The following B4GALT6 variants were observed in gnomAD, a reference collection of about 807,000 sequenced individuals.
The protein encoded by B4GALT6 is beta-1,4-galactosyltransferase 6, also known as UDP-Gal:beta-GlcNAc beta-1,4-galactosyltransferase 6.
A neutral mutation model predicts 46.3 loss-of-function variants in B4GALT6; 14 were observed. The ratio of observed to expected loss-of-function variants is 0.30; its 90% confidence interval spans 0.20 to 0.47. The LOEUF (loss-of-function observed/expected upper bound fraction) is 0.47. Ranked by LOEUF, B4GALT6 falls within the 20% of genes least tolerant of loss-of-function variation. The pLI, the probability that B4GALT6 is intolerant of heterozygous loss-of-function variation, is 0.99. For missense variants in B4GALT6, 386 were observed against 480.1 expected, an observed-to-expected ratio of 0.80 and a Z score of 1.83; for synonymous variants, 168 against 162.0, an observed-to-expected ratio of 1.04 and a Z score of -0.28.
intron 6 of B4GALT6, among the ~76,000 whole-genome samples, chr18:31,629,117 GCTTA>G (rs1159130244): frequency 1.3e-5 from 2 of 152,054 alleles, no homozygotes; most frequent in Non-Finnish European, 2.9e-5. Context: ...CTTTTCTCTA[GCTTA>G]CTTTATGGTA....
intron 6 of B4GALT6, among the ~76,000 whole-genome samples, chr18:31,630,440 G>T (rs980534779): frequency 6.6e-6 from 1 of 151,466 alleles, no homozygotes; most frequent in Non-Finnish European, 1.5e-5. Flanking sequence ...ATTATTAAAG[G>T]GCAGGTCAAG....
At position 31,631,588 on chromosome 18, in the gene B4GALT6, C is replaced by A. The variant is rs548338443; in HGVS notation, c.589-442G>T. 4.6e-5 allele frequency among the ~76,000 whole-genome samples: 7 copies of A among 152,000 alleles called. No homozygotes were observed. The South Asian group carries it at 1.2e-3, about 27-fold the overall frequency. Reference sequence around the variant, plus strand: ...TTGTATTTCTGCTCTACTTCAAATACATCAGGATATAGATTACTTGTGGCG... The same window carrying A: ...TTGTATTTCTGCTCTACTTCAAATAAATCAGGATATAGATTACTTGTGGCG... On this transcript the variant is annotated intron_variant, in intron 5 of 8. Transcript: ENST00000306851.
intron 3 of B4GALT6, among the ~76,000 whole-genome samples, chr18:31,653,020 CTT>C (rs766019120): frequency 2.7e-4 from 38 of 141,240 alleles, no homozygotes; most frequent in South Asian, 4.5e-4. Flanking sequence ...TTTATTTTTG[CTT>C]TTTTTTTTTT....
intron 8 of B4GALT6, 101 bp from the exon 9 acceptor site, chr18:31,625,862 A>C (rs754121531): frequency 6.4e-6 from 6 of 937,050 alleles, no homozygotes; most frequent in African/African-American, 1.7e-5. Context: ...AAAGCACTTA[A>C]TGCCCTTTAC....
the B4GALT6 span, among the ~76,000 whole-genome samples, chr18:31,709,533 GT>G: frequency 6.8e-6 from 1 of 147,838 alleles, no homozygotes; most frequent in Non-Finnish European, 1.5e-5. Context: ...AAGGGTTACA[GT>G]AGGATCAATA....
the B4GALT6 span, among the ~76,000 whole-genome samples, chr18:31,691,747 A>G: frequency 6.6e-6 from 1 of 152,172 alleles, no homozygotes; most frequent in African/African-American, 2.4e-5. Context: ...ATTCAGGTAA[A>G]TTTGATAAAG....
intron 1 of B4GALT6, among the ~76,000 whole-genome samples, chr18:31,671,674 T>C (rs2074359268): frequency 6.6e-6 from 1 of 152,214 alleles, no homozygotes; most frequent in Non-Finnish European, 1.5e-5. Flanking sequence ...AAATAAAATG[T>C]AATTTCTTAT....
At chr18:31,724,461 A>G in the B4GALT6 span, 1 of 1,012,022 alleles carries the variant, frequency 9.9e-7, no homozygotes, top group Non-Finnish European at 1.2e-6. Context: ...CTAACTCCCC[A>G]CCCCCGGGCA....
At chr18:31,636,729 G>T (rs2073863424) in intron 5 of B4GALT6, among the ~76,000 whole-genome samples, 1 of 152,210 alleles carries the variant, frequency 6.6e-6, no homozygotes, top group Non-Finnish European at 1.5e-5. Flanking sequence ...GTCTTTAAGT[G>T]TTATCAGATC....
At chr18:31,656,347 A>G (rs951031368) in intron 3 of B4GALT6, among the ~76,000 whole-genome samples, 4 of 152,200 alleles carry the variant, frequency 2.6e-5, no homozygotes, top group Non-Finnish European at 5.9e-5. Flanking sequence ...AAATCTTTAT[A>G]TCAAATCCAA....
At chr18:31,712,456 C>T in the B4GALT6 span, among the ~76,000 whole-genome samples, 25 of 151,998 alleles carry the variant, frequency 1.6e-4, no homozygotes, top group South Asian at 2.7e-3. Flanking sequence ...GTGCCCACCA[C>T]CACGCCCAGA....
At chr18:31,717,683 G>A in the B4GALT6 span, among the ~76,000 whole-genome samples, 1 of 152,152 alleles carries the variant, frequency 6.6e-6, no homozygotes, top group Admixed American at 6.5e-5. Context: ...GGCGGGATGT[G>A]GTGGCTCACA....
At chr18:31,678,279 T>C (rs1234711219) in intron 1 of B4GALT6, among the ~76,000 whole-genome samples, 4 of 152,176 alleles carry the variant, frequency 2.6e-5, no homozygotes, top group Non-Finnish European at 5.9e-5. Context: ...GGAGCACTTA[T>C]AAGGCCACTT....
chr18:31,688,767 A>G (rs2030013322), upstream of B4GALT6, among the ~76,000 whole-genome samples: 1 of 152,190 alleles, frequency 6.6e-6, no homozygotes, highest in South Asian at 2.1e-4. Context: ...CTCGGGAGGT[A>G]AAATACCGGG....
chr18:31,697,867 A>C, the B4GALT6 span, among the ~76,000 whole-genome samples: 23 of 152,110 alleles, frequency 1.5e-4, no homozygotes, highest in Non-Finnish European at 3.2e-4. Context: ...TCTAATTATC[A>C]TTCGTTTGTA....
At chr18:31,688,272 T>C (rs74802969), upstream of B4GALT6, among the ~76,000 whole-genome samples, 851 of 149,728 alleles carry the variant, frequency 5.7e-3, 21 homozygotes, top group East Asian at 0.071. Flanking sequence ...TATATATATA[T>C]ACACACACAC....
At chr18:31,704,790 A>G in the B4GALT6 span, among the ~76,000 whole-genome samples, 1 of 152,238 alleles carries the variant, frequency 6.6e-6, no homozygotes, top group South Asian at 2.1e-4. Flanking sequence ...TCAAGTGTGC[A>G]ATACATACAA....
chr18:31,667,807 G>A (rs1401630451), intron 1 of B4GALT6, among the ~76,000 whole-genome samples: 1 of 152,084 alleles, frequency 6.6e-6, no homozygotes, highest in Non-Finnish European at 1.5e-5. Context: ...CTACATTTTT[G>A]TACTTAAGTG....
At chr18:31,716,073 T>C in the B4GALT6 span, among the ~76,000 whole-genome samples, 1 of 152,200 alleles carries the variant, frequency 6.6e-6, no homozygotes, top group South Asian at 2.1e-4. Context: ...TCAGGTCTTC[T>C]GGGTTCCCAT....
Sources: allele counts gnomAD v4.1 joint callset (sites outside exome capture counted in the v4.1 genomes callset), GRCh38; gene constraint gnomAD v4.1.1; transcripts MANE v1.5; gene names NCBI Gene and HGNC (gene_info 2026-07-23, HGNC 2026-07-21).